Variants in COG5 observed in about 807,000 individuals in gnomAD.
The protein encoded by COG5 is conserved oligomeric Golgi complex subunit 5.
A neutral mutation model predicts 110.4 loss-of-function variants in COG5; 86 were observed. The observed-to-expected ratio is 0.78, with a 90% CI of 0.65 to 0.93. COG5 has a LOEUF of 0.93. COG5 is among the 40% of genes least tolerant of loss of function. The pLI is 0.00. For synonymous variants in COG5, 360 were observed against 334.6 expected, an observed-to-expected ratio of 1.08 and a Z score of -0.83; for missense variants, 1,077 against 987.0, an observed-to-expected ratio of 1.09 and a Z score of -1.22.
chr7:107,562,167 TG>T (rs1282777253), intron 1 of COG5, among the ~76,000 whole-genome samples: 5 of 152,234 alleles, frequency 3.3e-5, no homozygotes, highest in African/African-American at 1.2e-4. Context: ...TAAAGTCATT[TG>T]TTGAGCTTGA....
chr7:107,248,527 GA>G (rs764372932), intron 16 of COG5, 28 bp from the exon 17 acceptor site: 2 of 1,465,168 alleles, frequency 1.4e-6, no homozygotes, highest in African/African-American at 2.8e-5. Flanking sequence ...AGAAAAAAAA[GA>G]AGAGGCAAGA....
At chr7:107,258,636 G>A (rs1303373680) in intron 14 of COG5, 7 of 525,080 alleles carry the variant, frequency 1.3e-5, no homozygotes, top group Non-Finnish European at 2.0e-5. Context: ...TGCACGGGAA[G>A]AACAGCTCCA....
chr7:107,209,299 T>C (rs1798993080), intron 21 of COG5: 1 of 947,634 alleles, frequency 1.1e-6, no homozygotes, highest in African/African-American at 1.8e-5. Context: ...ATGTAAAGGT[T>C]TTCCGGCTTG....
At chr7:107,507,237 T>G (rs971654890) in intron 6 of COG5, among the ~76,000 whole-genome samples, 24 of 152,284 alleles carry the variant, frequency 1.6e-4, no homozygotes, top group African/African-American at 5.3e-4. Context: ...TGGTTTATTT[T>G]CAACCTTTCC....
chr7:107,248,570 T>C (rs763172007), intron 16 of COG5, 71 bp from the exon 17 acceptor site: 2 of 991,610 alleles, frequency 2.0e-6, no homozygotes, highest in Non-Finnish European at 3.1e-6. Context: ...AAATTTGAGA[T>C]GTGAGAAACA....
At chr7:107,346,697 T>C (rs1319040220) in intron 10 of COG5, among the ~76,000 whole-genome samples, 1 of 152,106 alleles carries the variant, frequency 6.6e-6, no homozygotes, top group Non-Finnish European at 1.5e-5. Context: ...GGAGGATATT[T>C]TTTTTCTTTT....
At chr7:107,457,287 A>G (rs1373708868) in intron 6 of COG5, among the ~76,000 whole-genome samples, 11 of 152,048 alleles carry the variant, frequency 7.2e-5, no homozygotes, top group African/African-American at 2.7e-4. Context: ...ATCAGACACT[A>G]TAAAAGATTA....
chr7:107,465,274 C>T (rs1360963606), intron 6 of COG5, among the ~76,000 whole-genome samples: 1 of 152,068 alleles, frequency 6.6e-6, no homozygotes, highest in African/African-American at 2.4e-5. Flanking sequence ...AGTAAAGTTG[C>T]AGGATATGAG....
intron 7 of COG5, among the ~76,000 whole-genome samples, chr7:107,405,133 T>G (rs1050828587): frequency 6.6e-6 from 1 of 152,202 alleles, no homozygotes; most frequent in Non-Finnish European, 1.5e-5. Context: ...AGATCATGAT[T>G]CTATTACTTG....
At chr7:107,333,042 CAG>C (rs778579762) in intron 10 of COG5, among the ~76,000 whole-genome samples, 1 of 152,046 alleles carries the variant, frequency 6.6e-6, no homozygotes, top group Non-Finnish European at 1.5e-5. Flanking sequence ...AAGAGGAAGT[CAG>C]AGAGAAGCAG....
chr7:107,296,024 C>T (rs771521487), intron 12 of COG5, among the ~76,000 whole-genome samples: 14 of 152,078 alleles, frequency 9.2e-5, no homozygotes, highest in Non-Finnish European at 1.8e-4. Flanking sequence ...AACTCCTGAC[C>T]TCAGGTGATC....
chr7:107,253,767 C>A (rs904919417), intron 16 of COG5, among the ~76,000 whole-genome samples: 1 of 152,118 alleles, frequency 6.6e-6, no homozygotes, highest in African/African-American at 2.4e-5. Context: ...TCCAGCCACT[C>A]GGGCCTCCTG....
intron 12 of COG5, among the ~76,000 whole-genome samples, chr7:107,293,187 G>C (rs1806318148): frequency 6.6e-6 from 1 of 152,104 alleles, no homozygotes. Flanking sequence ...AAGGTAATTA[G>C]GGCCCCAGTA....
intron 6 of COG5, among the ~76,000 whole-genome samples, chr7:107,414,703 C>CTTTTTTTTTTTTTTTTTT (rs530323655): frequency 4.9e-5 from 3 of 61,716 alleles, no homozygotes; most frequent in Non-Finnish European, 7.6e-5. Context: ...CTCACTGTCC[C>CTTTTTTTTTTTTTTTTTT]TTTTTTTTTT....
chr7:107,465,247 G>C (rs1351120585), intron 6 of COG5, among the ~76,000 whole-genome samples: 2 of 152,094 alleles, frequency 1.3e-5, no homozygotes, highest in African/African-American at 4.8e-5. Flanking sequence ...AAACTCCCAA[G>C]ACTAATATAT....
intron 6 of COG5, among the ~76,000 whole-genome samples, chr7:107,514,284 C>T (rs567420507): frequency 6.6e-6 from 1 of 151,540 alleles, no homozygotes; most frequent in East Asian, 1.9e-4. Flanking sequence ...AGTCAACCCA[C>T]AATCCTAACA....
chr7:107,414,751 T>A (rs1405707947), intron 6 of COG5, among the ~76,000 whole-genome samples: 1 of 120,940 alleles, frequency 8.3e-6, no homozygotes, highest in Non-Finnish European at 1.6e-5. Context: ...TTTCCGAGAC[T>A]CAGTCTTGCT....
intron 6 of COG5, among the ~76,000 whole-genome samples, chr7:107,426,347 T>C (rs1175402735): frequency 1.3e-5 from 2 of 152,194 alleles, no homozygotes; most frequent in African/African-American, 2.4e-5. Context: ...CCCAAGTTCA[T>C]AATTACTAAG....
intron 6 of COG5, among the ~76,000 whole-genome samples, chr7:107,413,063 T>C (rs1792427562): frequency 6.6e-6 from 1 of 152,094 alleles, no homozygotes; most frequent in South Asian, 2.1e-4. Flanking sequence ...TGGAGTGTAG[T>C]GGCTTGTCAC....
Sources: allele counts gnomAD v4.1 joint callset (sites outside exome capture counted in the v4.1 genomes callset), GRCh38; gene constraint gnomAD v4.1.1; transcripts MANE v1.5; gene names NCBI Gene and HGNC (gene_info 2026-07-23, HGNC 2026-07-21).